Variants in PRKCH observed in about 807,000 individuals in gnomAD.
PRKCH encodes protein kinase C eta, also known as protein kinase C eta type.
A neutral mutation model predicts 82.5 loss-of-function variants in PRKCH; 28 were observed. The observed-to-expected ratio is 0.34, with a 90% confidence interval of 0.25 to 0.47. The LOEUF (loss-of-function observed/expected upper bound fraction) is 0.47, where lower values mean the gene tolerates loss of function less well. Ranked by LOEUF, PRKCH falls within the 20% of genes least tolerant of loss-of-function variation. The pLI is 1.00. For missense variants in PRKCH, 705 were observed against 881.8 expected (o/e 0.80, Z 2.54); for synonymous variants, 322 against 327.4 (o/e 0.98, Z 0.18).
intron 1 of PRKCH, among the ~76,000 whole-genome samples, chr14:61,256,129 C>T (rs987385862): frequency 7.2e-5 from 11 of 152,092 alleles, no homozygotes; most frequent in Admixed American, 7.2e-4. Context: ...TTGAGCATGT[C>T]GCAAATCACA....
At chr14:61,538,723 T>G (rs888929341) in intron 12 of PRKCH, among the ~76,000 whole-genome samples, 1 of 152,214 alleles carries the variant, frequency 6.6e-6, no homozygotes, top group African/African-American at 2.4e-5. Flanking sequence ...TTAGAAAAAC[T>G]CTTGTCAACA....
At chr14:61,218,458 G>C (rs2044630844) in intron 1 of PRKCH, among the ~76,000 whole-genome samples, 1 of 152,174 alleles carries the variant, frequency 6.6e-6, no homozygotes, top group Admixed American at 6.5e-5. Flanking sequence ...GTAAGGAAAT[G>C]AATATGCTTT....
In PRKCH at chr14:61,244,391, G is replaced by A. The variant is rs188150113; in HGVS notation, c.-19+56723G>A. 6.4e-4 allele frequency among the ~76,000 whole-genome samples: 97 copies of A among 152,288 alleles called. 1 individual carries two copies. In the East Asian group the frequency reaches 9.8e-3, roughly 15 times the overall value. On this transcript the variant is annotated intron_variant, in intron 1 of 3. Coordinates refer to the PRKCH transcript ENST00000555185. ...AACCTGAAACGGTATATGAGTAATC[G>A]TCACATGCCAACACGAAGTTACATT...
At chr14:61,191,243 A>AT (rs2044404999) in intron 1 of PRKCH, among the ~76,000 whole-genome samples, 1 of 152,224 alleles carries the variant, frequency 6.6e-6, no homozygotes, top group South Asian at 2.1e-4. Context: ...TATTGTAGCT[A>AT]TGACAATCTC....
chr14:61,366,571 A>C (rs1308095332), intron 1 of PRKCH, among the ~76,000 whole-genome samples: 2 of 152,056 alleles, frequency 1.3e-5, no homozygotes, highest in African/African-American at 4.8e-5. Flanking sequence ...AGCATTTTGG[A>C]GATGATAGTC....
At chr14:61,391,036 C>T (rs17834508) in intron 1 of PRKCH, among the ~76,000 whole-genome samples, 189 bp from the exon 2 acceptor site, 5,009 of 152,244 alleles carry the variant, frequency 0.033, 116 homozygotes, top group Non-Finnish European at 0.053. Flanking sequence ...AATGTGGTTT[C>T]TTTTCAGTCT....
intron 1 of PRKCH, among the ~76,000 whole-genome samples, chr14:61,308,447 T>C (rs938110238): frequency 3.3e-5 from 5 of 152,184 alleles, no homozygotes; most frequent in African/African-American, 9.6e-5. Flanking sequence ...CTTTCTCCTG[T>C]ATCAAGCCCA....
At chr14:61,416,170 C>T (rs1167549262) in intron 2 of PRKCH, among the ~76,000 whole-genome samples, 1 of 151,632 alleles carries the variant, frequency 6.6e-6, no homozygotes, top group Non-Finnish European at 1.5e-5. Flanking sequence ...CATCCTCCCA[C>T]CCAGCTTCCT....
chr14:61,293,418 A>G (rs186145293), intron 1 of PRKCH, among the ~76,000 whole-genome samples: 1 of 152,286 alleles, frequency 6.6e-6, no homozygotes, highest in African/African-American at 2.4e-5. Context: ...GGGACTTCCC[A>G]TTGTCCCCTC....
chr14:61,353,239 G>A (rs753535395), intron 1 of PRKCH, among the ~76,000 whole-genome samples: 1 of 152,178 alleles, frequency 6.6e-6, no homozygotes, highest in African/African-American at 2.4e-5. Flanking sequence ...GAGAAGTAGG[G>A]TGGAATTATG....
At chr14:61,510,885 T>C (rs1056484913) in intron 10 of PRKCH, among the ~76,000 whole-genome samples, 2 of 152,110 alleles carry the variant, frequency 1.3e-5, no homozygotes, top group African/African-American at 4.8e-5. Context: ...CTTTTTCTAA[T>C]GTGCACAAAG....
intron 1 of PRKCH, among the ~76,000 whole-genome samples, chr14:61,204,584 A>G (rs7151362): frequency 2.9e-3 from 445 of 152,116 alleles, no homozygotes; most frequent in African/African-American, 9.0e-3. Flanking sequence ...GGGAGACCAC[A>G]TCTCTACAAA....
chr14:61,280,952 C>G lies in PRKCH; in HGVS notation c.-19+93284C>G, dbSNP rs1374177669. 1.3e-6 allele frequency: 2 copies of G among 1,543,054 alleles called. No individual in the cohort carries two copies. The highest frequency in any genetic ancestry group is 2.7e-5 in the African/African-American group (2 of 73,082). Reference sequence around the variant, plus strand: ...CCGGTGCCCGGGTCGCCTGTATAGTCGTACTCCAGCTCCTTGATGCCGTTG... The same window carrying G: ...CCGGTGCCCGGGTCGCCTGTATAGTGGTACTCCAGCTCCTTGATGCCGTTG... On this transcript the variant is annotated intron_variant, in intron 1 of 3. Transcript: ENST00000555185. This position sits in a 1 kb window ranked among gnomAD's most constrained non-coding sequence, Gnocchi z 5.0.
chr14:61,248,082 C>T (rs1309179310), intron 1 of PRKCH, among the ~76,000 whole-genome samples: 2 of 152,148 alleles, frequency 1.3e-5, no homozygotes, highest in African/African-American at 2.4e-5. Flanking sequence ...GAGTGCTAAA[C>T]GAAATGAGTC....
chr14:61,457,150 G>A (rs746117196), intron 7 of PRKCH, 26 bp from the exon 8 acceptor site: 1 of 1,611,174 alleles, frequency 6.2e-7, no homozygotes, highest in East Asian at 2.2e-5. Flanking sequence ...TGCAATTTCT[G>A]ACTTAATGTG....
chr14:61,333,559 T>C (rs2140129704), intron 1 of PRKCH, among the ~76,000 whole-genome samples: 1 of 152,282 alleles, frequency 6.6e-6, no homozygotes, highest in Admixed American at 6.5e-5. Context: ...AAGATGTTCT[T>C]AAAAATGTGT....
intron 1 of PRKCH, among the ~76,000 whole-genome samples, chr14:61,300,462 A>G (rs1026299298): frequency 6.6e-6 from 1 of 152,200 alleles, no homozygotes; most frequent in Non-Finnish European, 1.5e-5. Context: ...TCTTATGTTC[A>G]AAGATCACAA....
At chr14:61,411,489 A>G (rs1160296534) in intron 2 of PRKCH, among the ~76,000 whole-genome samples, 9 of 152,244 alleles carry the variant, frequency 5.9e-5, no homozygotes. Flanking sequence ...TGTGAAAAAC[A>G]AAATATGGAC....
intron 1 of PRKCH, among the ~76,000 whole-genome samples, chr14:61,367,356 G>GTA (rs1271986883): frequency 1.5e-5 from 2 of 137,024 alleles, no homozygotes; most frequent in African/African-American, 6.1e-5. Context: ...GTGTGTGTGT[G>GTA]TGTATGTGTG....
Sources: gnomAD v4.1 joint callset for allele counts (sites outside exome capture counted in the v4.1 genomes callset) on GRCh38, gnomAD v4.1.1 for gene constraint, Gnocchi (gnomAD v3.1) non-coding constraint, MANE v1.5 for transcripts, NCBI Gene and HGNC (gene_info 2026-07-23, HGNC 2026-07-21) for gene names.